THBS2: variants seen among roughly 807,000 people sequenced by gnomAD.
THBS2 encodes thrombospondin-2.
A neutral mutation model predicts 135.2 loss-of-function variants in THBS2; 47 were observed. That is an observed-to-expected ratio of 0.35 (90% CI 0.28 to 0.44). The LOEUF (loss-of-function observed/expected upper bound fraction) is 0.44, where lower values mean the gene tolerates loss of function less well. THBS2 is among the 20% of genes least tolerant of loss of function. The probability of loss-of-function intolerance (pLI) is 1.00; values close to 1 mark genes in which losing one functional copy is unlikely to be tolerated. For synonymous variants in THBS2, 639 were observed against 633.8 expected, an observed-to-expected ratio of 1.01 and a Z score of -0.12; for missense variants, 1,288 against 1,603.1, an observed-to-expected ratio of 0.80 and a Z score of 3.36.
At chr6:169,231,616 G>A (rs1409603134) in intron 13 of THBS2, among the ~76,000 whole-genome samples, 3 of 152,236 alleles carry the variant, frequency 2.0e-5, no homozygotes, top group African/African-American at 7.2e-5. Context: ...AAGTGACATA[G>A]CCTGGCCAGA....
At chr6:169,222,828 G>C (rs1475451568) in intron 18 of THBS2, among the ~76,000 whole-genome samples, 1 of 131,354 alleles carries the variant, frequency 7.6e-6, no homozygotes, top group African/African-American at 3.0e-5. Flanking sequence ...AAAAAAAAAA[G>C]AAACAGGTTT....
intron 14 of THBS2, 37 bp from the exon 15 acceptor site, chr6:169,228,318 C>G (rs1373725587): frequency 3.1e-6 from 5 of 1,610,978 alleles, no homozygotes; most frequent in Non-Finnish European, 4.2e-6. Flanking sequence ...TAACGAAGAT[C>G]ATAGGAATGT....
At chr6:169,245,585 G>T (rs1182861974) in intron 4 of THBS2, among the ~76,000 whole-genome samples, 1 of 152,126 alleles carries the variant, frequency 6.6e-6, no homozygotes, top group Non-Finnish European at 1.5e-5. Context: ...GAGGTCAGGA[G>T]ATCGAGACCA....
intron 20 of THBS2, among the ~76,000 whole-genome samples, chr6:169,221,008 T>C (rs1779407043): frequency 6.6e-6 from 1 of 152,254 alleles, no homozygotes; most frequent in Non-Finnish European, 1.5e-5. Context: ...ATAAATACTG[T>C]TAAGCCAAGG....
At position 169,232,066 on chromosome 6, in the gene THBS2, G is replaced by C; in HGVS notation, c.2065C>G (p.Leu689Val). 1 of 1,614,108 alleles carries C rather than the reference G, an allele frequency of 6.2e-7. No homozygotes were observed. The highest frequency in any genetic ancestry group is 1.1e-5 in the South Asian group (1 of 91,078). Residue 689 changes from leucine (L) to valine (V), a missense_variant, in exon 13 of 22, where the codon CTC (leucine) becomes GTC (valine). Physicochemically the swap from Leu to Val is conservative, Grantham distance 32. Around this residue, in one of 2 missense-constraint regions of THBS2, gnomAD observed 874 missense variants for 1,156.1 expected, o/e 0.76. Transcript: ENST00000617924. ...ECQTGYAGDG[L>V]ICGEDSDLDG... ...AGGTCCGAGTCCTCCCCGCAGATGA[G>C]CCCGTCGCCCGCGTAGCCTGTCTGG...
chr6:169,243,177 A>G (rs1304046591), intron 4 of THBS2, among the ~76,000 whole-genome samples: 1 of 118,832 alleles, frequency 8.4e-6, no homozygotes, highest in Non-Finnish European at 1.8e-5. Flanking sequence ...CACCTCTCCC[A>G]CCTTCCCACC....
Position 169,223,361 on chromosome 6 carries a change from T to A in THBS2, c.2888A>T (p.Gln963Leu), listed in dbSNP as rs1218649182. 1.2e-6 allele frequency: 2 copies of A among 1,614,216 alleles called. No homozygotes were observed. The highest frequency in any genetic ancestry group is 1.7e-5 in the Admixed American group (1 of 60,032). Residue 963 changes from glutamine (Q) to leucine (L), a missense_variant, in exon 18 of 22, where the codon CAG (glutamine) becomes CTG (leucine). By Grantham distance (113) the Gln-to-Leu change is moderately radical. Coordinates refer to ENST00000617924, the MANE Select transcript of THBS2 (RefSeq NM_003247.5). The part of the protein sequence containing the change: ...AISETDFRNF[Q>L]MVPLDPKGTT... ...CCCTTTGGGATCCAAGGGGACCATCTGGAAGTTCCTGAAGTCTGTCTCACT... is the reference window on the plus strand; with the variant it reads ...CCCTTTGGGATCCAAGGGGACCATCAGGAAGTTCCTGAAGTCTGTCTCACT...
At chr6:169,244,682 C>G (rs1318520394) in intron 4 of THBS2, among the ~76,000 whole-genome samples, 2 of 152,094 alleles carry the variant, frequency 1.3e-5, no homozygotes, top group African/African-American at 4.8e-5. Flanking sequence ...CCAAAAGCCC[C>G]ACAGCCAACT....
chr6:169,236,373 TC>T (rs1306311216), intron 9 of THBS2, among the ~76,000 whole-genome samples: 3 of 38,200 alleles, frequency 7.9e-5, no homozygotes, highest in South Asian at 1.1e-3. Flanking sequence ...CCACACTCAC[TC>T]CCATCCACAC....
chr6:169,233,524 G>A (rs1779926378), intron 10 of THBS2, among the ~76,000 whole-genome samples: 1 of 147,016 alleles, frequency 6.8e-6, no homozygotes, highest in Non-Finnish European at 1.5e-5. Context: ...TACACCCCAG[G>A]TGCCACACTG....
Position 169,232,920 on chromosome 6 carries a change from G to A in THBS2, c.1749C>T (p.Gly583=), listed in dbSNP as rs1779898757. 6.3e-7 allele frequency: 1 copy of A among 1,582,186 alleles called. No individual in the cohort carries two copies. The highest frequency in any genetic ancestry group is 1.3e-5 in the African/African-American group (1 of 74,674). Reference sequence around the variant, plus strand: ...CCAGGTCCTCACAGTGGGTGCCATTGCCCAAGAAGCCCACAGGGCAGGAGC... The same window carrying A: ...CCAGGTCCTCACAGTGGGTGCCATTACCCAAGAAGCCCACAGGGCAGGAGC... ...SCGSCPVGFL[G]NGTHCEDLDE... The change falls in exon 11 of 22, where the codon GGC becomes GGT. Residue 583 remains glycine (G), a synonymous_variant. Coordinates refer to ENST00000617924, the MANE Select transcript of THBS2 (RefSeq NM_003247.5).
At chr6:169,240,131 C>T (rs1200524086) in intron 6 of THBS2, among the ~76,000 whole-genome samples, 2 of 152,190 alleles carry the variant, frequency 1.3e-5, no homozygotes, top group Admixed American at 1.3e-4. Flanking sequence ...GAGCCTCAGG[C>T]TCTGTTGGAA....
At chr6:169,234,334 C>T (rs1779955088) in intron 10 of THBS2, among the ~76,000 whole-genome samples, 2 of 129,276 alleles carry the variant, frequency 1.5e-5, no homozygotes, top group African/African-American at 5.2e-5. Flanking sequence ...CAACTACCCA[C>T]ACACCACATT....
chr6:169,248,282 T>C lies in THBS2; in HGVS notation c.609+135A>G. The C allele has an allele frequency of 2.9e-6, 3 of 1,047,230 alleles. No individual in the cohort carries two copies. In the Admixed American group the frequency reaches 6.7e-5, roughly 23 times the overall value. The allele number at this position is 1,047,230 out of a possible 1,614,324, so 64.9% of individuals were successfully genotyped here. On this transcript the variant is annotated intron_variant, in intron 3 of 21. Transcript: ENST00000617924. ...GTGTGCACGCATGTGTGTGAGCACA[T>C]GCCGGGATGTGCAGTGTGCTTCTCT...
At position 169,226,398 on chromosome 6, in the gene THBS2, A is replaced by G. The variant is rs374787767; in HGVS notation, c.2420-100T>C. ...TTTCCTATCACACGAAATTGCTTAC[A>G]GCCACACTTCTATTTAATTATAATA... On this transcript the variant is annotated intron_variant, in intron 15 of 21. Transcript: ENST00000617924. The G allele has an allele frequency of 3.4e-5, 27 of 783,960 alleles. No individual in the cohort carries two copies. The African/African-American group carries it at 3.6e-4, about 11-fold the overall frequency. 48.6% of individuals were successfully genotyped at this position (783,960 alleles called of 1,614,324 possible). A position where few individuals can be genotyped will look rare whatever the true frequency, so the allele number is the denominator to read the frequency against.
At chr6:169,231,879 T>TG in intron 13 of THBS2, 101 bp downstream of exon 13, 4 of 1,363,572 alleles carry the variant, frequency 2.9e-6, no homozygotes, top group Non-Finnish European at 3.0e-6. Context: ...TCCTTCCAAA[T>TG]TCCCTGTGCT....
intron 6 of THBS2, 148 bp from the exon 7 acceptor site, chr6:169,239,843 C>T: frequency 1.5e-6 from 1 of 658,288 alleles, no homozygotes; most frequent in Non-Finnish European, 2.6e-6. Context: ...ATAAGGGCAT[C>T]TTTTTCTCCC....
chr6:169,232,360 C>A (rs571670190), intron 12 of THBS2, among the ~76,000 whole-genome samples, 162 bp from the exon 13 acceptor site: 85 of 152,324 alleles, frequency 5.6e-4, no homozygotes, highest in African/African-American at 2.0e-3. Flanking sequence ...AGGTGCTGTT[C>A]GTTCCTGAGG....
At chr6:169,244,035 A>G (rs2115025741) in intron 4 of THBS2, among the ~76,000 whole-genome samples, 1 of 152,332 alleles carries the variant, frequency 6.6e-6, no homozygotes, top group South Asian at 2.1e-4. Context: ...TCCAAATGGG[A>G]CATTGGCATC....
Sources: gnomAD v4.1 joint callset for allele counts (sites outside exome capture counted in the v4.1 genomes callset) on GRCh38, gnomAD v4.1.1 for gene constraint, gnomAD v4.1.1 regional missense constraint, MANE v1.5 for transcripts, NCBI Gene and HGNC (gene_info 2026-07-23, HGNC 2026-07-21) for gene names.